Variants in STK4 observed in about 807,000 individuals in gnomAD.
The protein encoded by STK4 is serine/threonine-protein kinase 4.
In STK4, 30 loss-of-function variants were observed where a neutral mutation model predicts 64.9. The ratio of observed to expected loss-of-function variants is 0.46; its 90% CI spans 0.35 to 0.63. The LOEUF (loss-of-function observed/expected upper bound fraction) is 0.63. STK4 is among the 20% of genes least tolerant of loss of function. The pLI, the probability that STK4 is intolerant of heterozygous loss-of-function variation, is 0.01. For synonymous variants in STK4, 177 were observed against 199.0 expected, an observed-to-expected ratio of 0.89 and a Z score of 0.93; for missense variants, 466 against 598.5, an observed-to-expected ratio of 0.78 and a Z score of 2.31.
At position 45,075,537 on chromosome 20, in the gene STK4, A is replaced by G. The variant is rs867417957; in HGVS notation, c.*361A>G. On this transcript the variant is annotated 3_prime_UTR_variant, in exon 11 of 11. Coordinates refer to ENST00000372806, the MANE Select transcript of STK4 (RefSeq NM_006282.5). Reference sequence around the variant, plus strand: ...CTTTCTGGAAGACTTTTAAAAAAATATAAATATGCATATATATATATAAAT... The same window carrying G: ...CTTTCTGGAAGACTTTTAAAAAAATGTAAATATGCATATATATATATAAAT... 2.5e-5 allele frequency: 4 copies of G among 158,080 alleles called. No individual in the cohort carries two copies. The South Asian group carries it at 6.8e-4, about 27-fold the overall frequency. 9.8% of individuals were successfully genotyped at this position (158,080 alleles called of 1,614,324 possible). A position where few individuals can be genotyped will look rare whatever the true frequency, so the allele number is the denominator to read the frequency against.
At chr20:45,068,832 G>A (rs890193829) in intron 10 of STK4, among the ~76,000 whole-genome samples, 1 of 152,214 alleles carries the variant, frequency 6.6e-6, no homozygotes, top group Non-Finnish European at 1.5e-5. Context: ...TTTAACAGAT[G>A]CAAATGGTGA....
intron 1 of STK4, among the ~76,000 whole-genome samples, chr20:44,971,138 A>G (rs965275789): frequency 6.7e-6 from 1 of 149,046 alleles, no homozygotes; most frequent in African/African-American, 2.5e-5. Context: ...TTCCTTGGCA[A>G]GTTCCTTCTT....
intron 3 of STK4, among the ~76,000 whole-genome samples, chr20:44,979,949 G>A (rs891895118): frequency 2.6e-5 from 4 of 152,152 alleles, no homozygotes; most frequent in Non-Finnish European, 5.9e-5. Flanking sequence ...CTGTGCGGGA[G>A]CTGTGTTCCA....
At chr20:45,061,872 CTTT>C (rs71197598) in intron 10 of STK4, among the ~76,000 whole-genome samples, 1 of 115,110 alleles carries the variant, frequency 8.7e-6, no homozygotes, top group Admixed American at 8.9e-5. Context: ...TCTTCTTCTT[CTTT>C]TTTTTTTTTT....
In STK4 at chr20:44,995,075, C is replaced by T. The variant is rs779058224; in HGVS notation, c.526-15C>T. ...TTTTAAGCTTAGTGTCAGTCTCTCT[C>T]CCTTTCTATTTTAGGATACCATGGC... On this transcript the variant is annotated splice_polypyrimidine_tract_variant and intron_variant, in intron 5 of 10. Transcript: ENST00000372806. 1 of 1,570,608 alleles carries T rather than the reference C, an allele frequency of 6.4e-7. No homozygotes were observed. Among genetic ancestry groups the T allele is most frequent in the East Asian group, 2.3e-5 (1 of 42,576 alleles).
chr20:45,017,247 A>T (rs558042204), intron 9 of STK4, among the ~76,000 whole-genome samples: 15 of 152,340 alleles, frequency 9.8e-5, no homozygotes, highest in Non-Finnish European at 1.3e-4. Flanking sequence ...TACTTATGGC[A>T]TGTGTACTGT....
At chr20:44,969,450 G>A (rs576304443) in intron 1 of STK4, among the ~76,000 whole-genome samples, 1 of 152,342 alleles carries the variant, frequency 6.6e-6, no homozygotes, top group South Asian at 2.1e-4. Context: ...CAGATGGCAT[G>A]TGTTTCCAAT....
At chr20:45,027,141 G>A (rs6065774) in intron 10 of STK4, among the ~76,000 whole-genome samples, 18,914 of 152,074 alleles carry the variant, frequency 0.12, 1,542 homozygotes, top group East Asian at 0.22. Context: ...AGAAGTTAGC[G>A]ATTTTGGCTA....
intron 10 of STK4, among the ~76,000 whole-genome samples, chr20:45,031,974 T>A (rs762602058): frequency 3.3e-5 from 5 of 151,680 alleles, no homozygotes; most frequent in African/African-American, 4.8e-5. Context: ...GGGAAGGATA[T>A]GTTTTATACT....
At chr20:45,050,185 G>C (rs912124552) in intron 10 of STK4, among the ~76,000 whole-genome samples, 4 of 152,254 alleles carry the variant, frequency 2.6e-5, no homozygotes, top group Admixed American at 6.5e-5. Flanking sequence ...GGGTGTGTGG[G>C]GACTGGGAAA....
At chr20:45,016,198 G>A (rs2068139757) in intron 9 of STK4, among the ~76,000 whole-genome samples, 1 of 152,186 alleles carries the variant, frequency 6.6e-6, no homozygotes, top group Non-Finnish European at 1.5e-5. Context: ...GATGATACAT[G>A]TTTTGAGAAT....
chr20:45,068,276 C>G (rs1382796209), intron 10 of STK4, among the ~76,000 whole-genome samples: 2 of 152,188 alleles, frequency 1.3e-5, no homozygotes, highest in African/African-American at 4.8e-5. Context: ...GCTTCTCTGA[C>G]AGGTGTATTG....
At chr20:44,979,368 C>G (rs1403752641) in intron 3 of STK4, among the ~76,000 whole-genome samples, 1 of 151,902 alleles carries the variant, frequency 6.6e-6, no homozygotes, top group Non-Finnish European at 1.5e-5. Flanking sequence ...GCTGAGAGTA[C>G]CTACGTATTT....
At chr20:45,025,507 GCTAA>G (rs2068328732) in intron 10 of STK4, among the ~76,000 whole-genome samples, 1 of 152,076 alleles carries the variant, frequency 6.6e-6, no homozygotes, top group African/African-American at 2.4e-5. Context: ...TTGTTGTTTT[GCTAA>G]CTATTCTCCT....
chr20:44,979,447 A>G (rs2067398339), intron 3 of STK4, among the ~76,000 whole-genome samples: 1 of 152,138 alleles, frequency 6.6e-6, no homozygotes, highest in Non-Finnish European at 1.5e-5. Flanking sequence ...ACCACAGAAA[A>G]CCACGTGGTT....
At chr20:45,045,152 G>A (rs1423077004) in intron 10 of STK4, among the ~76,000 whole-genome samples, 1 of 152,230 alleles carries the variant, frequency 6.6e-6, no homozygotes, top group East Asian at 1.9e-4. Context: ...TTTCTGGTAT[G>A]ACTCCGTTTG....
rs528134817 is a variant in STK4, at chr20:45,021,620, C to G, written c.1148-3353C>G. Among the ~76,000 whole-genome samples, 64 of 152,210 alleles carry G rather than the reference C, an allele frequency of 4.2e-4. 1 individual carries two copies. Among genetic ancestry groups the G allele is most frequent in the Non-Finnish European group, 7.8e-4 (53 of 68,032 alleles). ...TCCATAAAATATTTCATCTGCATCT[C>G]TAGACGATATCTTTATTACAGTTTG... On this transcript the variant is annotated intron_variant, in intron 9 of 10. Coordinates refer to ENST00000372806, the MANE Select transcript of STK4 (RefSeq NM_006282.5).
At chr20:45,037,418 A>T (rs542658783) in intron 10 of STK4, among the ~76,000 whole-genome samples, 1 of 152,154 alleles carries the variant, frequency 6.6e-6, no homozygotes, top group African/African-American at 2.4e-5. Context: ...TTTCCTTGGT[A>T]TATCAGAGAA....
intron 9 of STK4, among the ~76,000 whole-genome samples, chr20:45,024,613 G>A (rs1328921571): frequency 6.6e-6 from 1 of 152,074 alleles, no homozygotes; most frequent in East Asian, 1.9e-4. Context: ...ATTTTTGCTT[G>A]CTTCTGTCTC....
Sources: gnomAD v4.1 joint callset for allele counts (sites outside exome capture counted in the v4.1 genomes callset) on GRCh38, gnomAD v4.1.1 for gene constraint, MANE v1.5 for transcripts, NCBI Gene and HGNC (gene_info 2026-07-23, HGNC 2026-07-21) for gene names.